Variants in EPB41 observed in about 807,000 individuals in gnomAD.
EPB41 encodes the protein protein 4.1.
A neutral mutation model predicts 108.0 loss-of-function variants in EPB41; 65 were observed. The ratio of observed to expected loss-of-function variants is 0.60; its 90% CI spans 0.49 to 0.74. The LOEUF is 0.74. Ranked by LOEUF, EPB41 falls within the 30% of genes least tolerant of loss-of-function variation. The pLI, the probability that EPB41 is intolerant of heterozygous loss-of-function variation, is 0.00. For synonymous variants in EPB41, 336 were observed against 358.9 expected (o/e 0.94, Z 0.72); for missense variants, 875 against 1,037.0 (o/e 0.84, Z 2.15).
Position 29,018,567 on chromosome 1 carries a change from T to C in EPB41, c.1124+125T>C. The C allele has an allele frequency of 1.0e-6, 1 of 988,906 alleles. No homozygotes were observed. The highest frequency in any genetic ancestry group is 1.6e-6 in the Non-Finnish European group (1 of 631,612). The allele number at this position is 988,906 out of a possible 1,614,324, so 61.3% of individuals were successfully genotyped here. A position where few individuals can be genotyped will look rare whatever the true frequency, so the allele number is the denominator to read the frequency against. On this transcript the variant is annotated intron_variant, in intron 7 of 20. Coordinates refer to ENST00000343067, the MANE Select transcript of EPB41 (RefSeq NM_001376013.1). The surrounding 1 kb of genome is among the most constrained non-coding windows in gnomAD (Gnocchi z 4.4). ...CATAGAAAGAGTCAGTTTCCTCCAC[T>C]GTTTGACTTTGGGCAGGTTACTTAA...
intron 17 of EPB41, among the ~76,000 whole-genome samples, chr1:29,105,603 C>T (rs1666864232): frequency 6.6e-6 from 1 of 152,146 alleles, no homozygotes; most frequent in East Asian, 1.9e-4. Context: ...TCAGTAGTTC[C>T]CTCTTTTTTA....
intron 1 of EPB41, among the ~76,000 whole-genome samples, chr1:28,924,210 G>A (rs1037457842): frequency 6.6e-5 from 10 of 152,210 alleles, no homozygotes; most frequent in African/African-American, 2.2e-4. Flanking sequence ...GAATGCAAAT[G>A]CAGTAGACAG....
In EPB41 at chr1:29,057,352, C is replaced by T. The variant is rs367648774; in HGVS notation, c.1846-1237C>T. 7.0e-5 allele frequency among the ~76,000 whole-genome samples: 8 copies of T among 114,946 alleles called. No homozygotes were observed. In the East Asian group the frequency reaches 1.3e-3, roughly 18 times the overall value. The allele number at this position is 114,946 out of a possible 152,430, so 75.4% of individuals were successfully genotyped here. A position where few individuals can be genotyped will look rare whatever the true frequency, so the allele number is the denominator to read the frequency against. On this transcript the variant is annotated intron_variant, in intron 12 of 20. Transcript: ENST00000343067. ...GATCGCACCTGCACTCCAGCCTGGGCGACAGAGTGAGACTCTGTCTCAAAA... is the reference window on the plus strand; with the variant it reads ...GATCGCACCTGCACTCCAGCCTGGGTGACAGAGTGAGACTCTGTCTCAAAA...
At position 28,982,507 on chromosome 1, in the gene EPB41, T is replaced by A. The variant is rs1038488811; in HGVS notation, c.-7-4924T>A. The A allele has an allele frequency of 6.5e-6, 6 of 916,402 alleles. No individual in the cohort carries two copies. In the African/African-American group the frequency reaches 8.2e-5, roughly 12 times the overall value. The allele number at this position is 916,402 out of a possible 1,614,324, so 56.8% of individuals were successfully genotyped here. A position where few individuals can be genotyped will look rare whatever the true frequency, so the allele number is the denominator to read the frequency against. ...CACCAGAGCATGGCTGTAGGGGCAA[T>A]CTGAGGTGCTATCATCAATGTTCTT... is the stretch of plus-strand genomic sequence containing the variant. On this transcript the variant is annotated intron_variant, in intron 1 of 20. Transcript: ENST00000343067.
At position 28,987,812 on chromosome 1, in the gene EPB41, G is replaced by A. The variant is rs985496985; in HGVS notation, c.375G>A (p.Glu125=). Residue 125 remains glutamate, a synonymous_variant, in exon 2 of 21, where the codon GAG becomes GAA. Coordinates refer to ENST00000343067, the MANE Select transcript of EPB41 (RefSeq NM_001376013.1). The stretch of plus-strand genomic sequence containing the variant: ...AATTTGGAACCAGTCTTGATGAAGA[G>A]ATCATTTTAAAGGCCCCAATTGCAG... ...EIEFGTSLDE[E]IILKAPIAAP... 4 of 1,614,076 alleles carry A rather than the reference G, an allele frequency of 2.5e-6. No homozygotes were observed. The African/African-American group carries it at 4.0e-5, about 16-fold the overall frequency.
At chr1:28,936,153 A>G (rs2094016792) in intron 1 of EPB41, among the ~76,000 whole-genome samples, 1 of 152,056 alleles carries the variant, frequency 6.6e-6, no homozygotes, top group Admixed American at 6.6e-5. Flanking sequence ...TTTTGCATTT[A>G]TTAGACTTGT....
At chr1:29,098,134 C>T (rs1663888506) in intron 17 of EPB41, among the ~76,000 whole-genome samples, 199 bp downstream of exon 17, 1 of 152,174 alleles carries the variant, frequency 6.6e-6, no homozygotes, top group African/African-American at 2.4e-5. Context: ...CTGGTGTATG[C>T]CTGTAGTCCC....
At chr1:28,890,269 C>T (rs2089979847) in intron 1 of EPB41, among the ~76,000 whole-genome samples, 1 of 151,926 alleles carries the variant, frequency 6.6e-6, no homozygotes, top group Admixed American at 6.6e-5. Context: ...AACTCCTGAC[C>T]TCAGGTGATC....
rs1009736263 is a variant in EPB41 at position 29,035,563 on chromosome 1, G to A, written c.1366-263G>A. Among the ~76,000 whole-genome samples the A allele has an allele frequency of 2.7e-5, 4 of 149,468 alleles. No homozygotes were observed. In the East Asian group the frequency reaches 7.8e-4, roughly 29 times the overall value. ...TGTCTCAGAAAAATGTATAATGAAT[G>A]TGTGTGTGTTTTCTGGAAAAAAAAA... On this transcript the variant is annotated intron_variant, in intron 9 of 20. Transcript: ENST00000343067.
At chr1:28,903,322 C>CTTTTTTTTTT in intron 1 of EPB41, among the ~76,000 whole-genome samples, 1 of 144,414 alleles carries the variant, frequency 6.9e-6, no homozygotes, top group African/African-American at 2.7e-5. Flanking sequence ...TTTTTCTTTT[C>CTTTTTTTTTT]TTTCTTTTTT....
In EPB41 at chr1:29,039,323, C is replaced by A; in HGVS notation, c.1533C>A (p.Gly511=). ...TAGGATCCAAATTTCGATACAGTGGCCGGACTCAAGCTCAGACCAGGCAAG... is the reference window on the plus strand; with the variant it reads ...TAGGATCCAAATTTCGATACAGTGGACGGACTCAAGCTCAGACCAGGCAAG... ...LALGSKFRYS[G]RTQAQTRQAS... Residue 511 remains glycine (G), a synonymous_variant, in exon 11 of 21, where the codon GGC becomes GGA. Transcript: ENST00000343067. The A allele has an allele frequency of 6.2e-7, 1 of 1,614,116 alleles. No homozygotes were observed. Among genetic ancestry groups the A allele is most frequent in the Non-Finnish European group, 8.5e-7 (1 of 1,180,026 alleles).
At chr1:28,932,062 T>C (rs2093778029) in intron 1 of EPB41, among the ~76,000 whole-genome samples, 1 of 152,260 alleles carries the variant, frequency 6.6e-6, no homozygotes, top group African/African-American at 2.4e-5. Flanking sequence ...TATTATAAGT[T>C]GCTTCATGTG....
intron 11 of EPB41, among the ~76,000 whole-genome samples, chr1:29,042,807 G>A (rs1642026799): frequency 6.6e-6 from 1 of 151,732 alleles, no homozygotes; most frequent in Admixed American, 6.6e-5. Flanking sequence ...ACTCTCCTGA[G>A]GGGCTGTTTT....
intron 8 of EPB41, among the ~76,000 whole-genome samples, 156 bp from the exon 9 acceptor site, chr1:29,032,937 A>C (rs564140300): frequency 6.6e-6 from 1 of 152,286 alleles, no homozygotes; most frequent in East Asian, 1.9e-4. Flanking sequence ...ATTTAAACAT[A>C]ATAGGTCCAT....
At chr1:29,079,065 G>A (rs1292442259) in intron 16 of EPB41, among the ~76,000 whole-genome samples, 2 of 151,212 alleles carry the variant, frequency 1.3e-5, no homozygotes, top group African/African-American at 2.4e-5. Context: ...GTGCGATCTC[G>A]GCTCACGGCA....
At chr1:28,964,879 C>T (rs1047466728) in intron 1 of EPB41, among the ~76,000 whole-genome samples, 4 of 152,144 alleles carry the variant, frequency 2.6e-5, no homozygotes, top group African/African-American at 9.7e-5. Flanking sequence ...CTCCTCCTTT[C>T]GTCACCTAAC....
At chr1:29,094,001 T>C (rs1278690007) in intron 16 of EPB41, among the ~76,000 whole-genome samples, 1 of 152,184 alleles carries the variant, frequency 6.6e-6, no homozygotes, top group Non-Finnish European at 1.5e-5. Flanking sequence ...TACATTTAAG[T>C]CTTTAATCTA....
chr1:29,112,260 C>A, intron 18 of EPB41, 108 bp from the exon 19 acceptor site: 1 of 907,000 alleles, frequency 1.1e-6, no homozygotes. Context: ...CTCAGCCTCC[C>A]AAAGTGTTGA....
chr1:28,960,030 C>T (rs1344570171), intron 1 of EPB41, among the ~76,000 whole-genome samples: 1 of 139,768 alleles, frequency 7.2e-6, no homozygotes, highest in Admixed American at 7.5e-5. Flanking sequence ...GACAGGATCT[C>T]ACTCTGTTTC....
Sources: gnomAD v4.1 joint callset for allele counts (sites outside exome capture counted in the v4.1 genomes callset) on GRCh38, gnomAD v4.1.1 for gene constraint, Gnocchi (gnomAD v3.1) non-coding constraint, MANE v1.5 for transcripts, NCBI Gene and HGNC (gene_info 2026-07-23, HGNC 2026-07-21) for gene names.